The following NHSL2 variants were observed in gnomAD, a reference collection of about 807,000 sequenced individuals.
The protein encoded by NHSL2 is NHS like 2.
Under a neutral mutation model 53.4 loss-of-function variants are expected in NHSL2, and 27 were observed. The observed-to-expected ratio is 0.51, with a 90% CI of 0.37 to 0.70. The LOEUF is 0.70. Ranked by LOEUF, NHSL2 falls within the 30% of genes least tolerant of loss-of-function variation. NHSL2 has a pLI of 0.00. For missense variants in NHSL2, 892 were observed against 980.1 expected, an observed-to-expected ratio of 0.91 and a Z score of 1.20; for synonymous variants, 408 against 404.1, an observed-to-expected ratio of 1.01 and a Z score of -0.12.
At chrX:72,114,196 C>T (rs905015283) in intron 1 of NHSL2, among the ~76,000 whole-genome samples, 4 of 112,154 alleles carry the variant, frequency 3.6e-5, no homozygotes, top group African/African-American at 1.3e-4. Flanking sequence ...TTTGTTTGTA[C>T]GTTCTGATTT....
intron 1 of NHSL2, among the ~76,000 whole-genome samples, chrX:72,102,253 T>C (rs1388470422): frequency 1.8e-5 from 2 of 112,211 alleles, no homozygotes; most frequent in African/African-American, 6.5e-5. Flanking sequence ...CACCTGCTGA[T>C]CTCTCCCACT....
chrX:72,126,373 C>T (rs1183165246), intron 1 of NHSL2, among the ~76,000 whole-genome samples: 2 of 111,269 alleles, frequency 1.8e-5, no homozygotes, highest in African/African-American at 3.3e-5. Flanking sequence ...GTGACAGAGC[C>T]ACTCACTAGC....
chrX:72,125,639 T>G (rs2042218063), intron 1 of NHSL2, among the ~76,000 whole-genome samples: 1 of 112,081 alleles, frequency 8.9e-6, no homozygotes, highest in East Asian at 2.8e-4. Flanking sequence ...CCACCTTCTC[T>G]GGCCATAACA....
chrX:71,997,004 C>A (rs1304522032), intron 1 of NHSL2, among the ~76,000 whole-genome samples: 1 of 112,637 alleles, frequency 8.9e-6, no homozygotes, highest in Non-Finnish European at 1.9e-5. Flanking sequence ...CGAGTTACTC[C>A]ATGTGATAAA....
At chrX:71,915,499 A>G (rs1172244448) in intron 1 of NHSL2, among the ~76,000 whole-genome samples, 8 of 112,281 alleles carry the variant, frequency 7.1e-5, no homozygotes, top group Admixed American at 4.7e-4. Context: ...GTGCCTCCCC[A>G]TATGTAATTC....
intron 1 of NHSL2, among the ~76,000 whole-genome samples, chrX:72,086,678 C>A (rs1602357127): frequency 8.7e-5 from 5 of 57,497 alleles, no homozygotes; most frequent in South Asian, 1.8e-3. Context: ...AGTGAAACTC[C>A]ATCTCAAAAA....
intron 1 of NHSL2, among the ~76,000 whole-genome samples, chrX:71,920,814 GT>G (rs5902696): frequency 2.8e-5 from 3 of 108,933 alleles, no homozygotes; most frequent in East Asian, 2.9e-4. Flanking sequence ...TTTTGTTTTT[GT>G]TTTTTTTGAG....
rs1215144212 is a variant in NHSL2, at chrX:72,143,383, G to A, written c.3487G>A (p.Gly1163Ser). Residue 1163 changes from glycine (G) to serine (S), a missense_variant, in exon 8 of 8, where the codon GGC (glycine) becomes AGC (serine). By Grantham distance (56) the Gly-to-Ser change is moderately conservative. Coordinates refer to ENST00000633930, the MANE Select transcript of NHSL2 (RefSeq NM_001013627.3). ...ISESTATAGS[G>S]SSANLDAGRN... ...TGAGTCTACCGCCACTGCAGGGTCA[G>A]GCAGCAGTGCCAACCTAGATGCTGG... 8.6e-7 allele frequency: 1 copy of A among 1,164,988 alleles called. No individual in the cohort carries two copies. The highest frequency in any genetic ancestry group is 1.8e-5 in the African/African-American group (1 of 55,557).
At chrX:71,922,939 C>A (rs1201350899) in intron 1 of NHSL2, among the ~76,000 whole-genome samples, 1 of 111,957 alleles carries the variant, frequency 8.9e-6, no homozygotes, top group Non-Finnish European at 1.9e-5. Flanking sequence ...CCAATGAAAT[C>A]TTTTTTCCCA....
In NHSL2 at chrX:72,153,161, TTTCTTG is replaced by T. The variant is rs767707819; in HGVS notation, c.*9589_*9594del. The T allele has an allele frequency of 2.5e-5, 1 of 39,629 alleles. No homozygotes were observed. Among genetic ancestry groups the T allele is most frequent in the African/African-American group, 7.8e-5 (1 of 12,897 alleles). 3.3% of individuals were successfully genotyped at this position (39,629 alleles called of 1,213,427 possible). On this transcript the variant is annotated 3_prime_UTR_variant, in exon 8 of 8. Coordinates refer to ENST00000633930, the MANE Select transcript of NHSL2 (RefSeq NM_001013627.3). The stretch of plus-strand genomic sequence containing the variant: ...CTGTGGGGTGATATTACAAAGGGTT[TTTCTTG>T]TCTTTCTTTAAAAAAAAAAAGGCAT...
chrX:72,016,989 G>C (rs988314210), intron 1 of NHSL2, among the ~76,000 whole-genome samples: 10 of 111,852 alleles, frequency 8.9e-5, no homozygotes, highest in Non-Finnish European at 1.9e-4. Context: ...AGCCCAGGGT[G>C]ACAGCAAGTT....
chrX:72,061,447 T>A (rs1180217737), intron 1 of NHSL2, among the ~76,000 whole-genome samples: 1 of 111,877 alleles, frequency 8.9e-6, no homozygotes. Context: ...TTCATGGGTA[T>A]GATGGTGAAA....
At chrX:72,130,122 G>A (rs1225198401) in intron 1 of NHSL2, 2 of 1,211,001 alleles carry the variant, frequency 1.7e-6, no homozygotes, top group South Asian at 1.8e-5. Context: ...CGTGAACAAA[G>A]GTCGGCTCCA....
intron 1 of NHSL2, among the ~76,000 whole-genome samples, chrX:71,919,251 T>C (rs1420940286): frequency 8.9e-6 from 1 of 112,280 alleles, no homozygotes; most frequent in African/African-American, 3.2e-5. Flanking sequence ...GAAGTCCCAC[T>C]TGCCCAGCAC....
At chrX:72,005,428 A>G (rs775496146) in intron 1 of NHSL2, among the ~76,000 whole-genome samples, 126 of 112,246 alleles carry the variant, frequency 1.1e-3, no homozygotes, top group Non-Finnish European at 1.3e-3. Context: ...GGGTGAGTCA[A>G]TTCTTTGCAG....
intron 1 of NHSL2, among the ~76,000 whole-genome samples, chrX:72,057,153 C>G (rs920532397): frequency 8.9e-6 from 1 of 112,376 alleles, no homozygotes; most frequent in African/African-American, 3.2e-5. Context: ...TGAAAAGGTA[C>G]TTTATTTTCT....
rs775502819 is a variant in NHSL2, at chrX:72,018,346, C to T, written c.280+106979C>T. Among the ~76,000 whole-genome samples, 8 of 112,235 alleles carry T rather than the reference C, an allele frequency of 7.1e-5. No individual in the cohort carries two copies. In the East Asian group the frequency reaches 2.3e-3, roughly 32 times the overall value. ...GACCCCGGCCCTCGCCTCACCGTTC[C>T]CCCGCCCAGTTTCCCTCTTGTTAAG... On this transcript the variant is annotated intron_variant, in intron 1 of 7. Coordinates refer to ENST00000633930, the MANE Select transcript of NHSL2 (RefSeq NM_001013627.3).
intron 1 of NHSL2, among the ~76,000 whole-genome samples, chrX:71,917,830 C>T (rs2041636240): frequency 9.0e-6 from 1 of 110,910 alleles, no homozygotes; most frequent in African/African-American, 3.3e-5. Context: ...GAATTCACTG[C>T]CAGTGATTCA....
At position 71,977,945 on chromosome X, in the gene NHSL2, C is replaced by G. The variant is rs191479712; in HGVS notation, c.280+66578C>G. On this transcript the variant is annotated intron_variant, in intron 1 of 7. Transcript: ENST00000633930. ...GCCCACTAGTATAAGTGCACAGACTCTGGAGAGGGGTGGCCTGGGTTCAGA... is the reference window on the plus strand; with the variant it reads ...GCCCACTAGTATAAGTGCACAGACTGTGGAGAGGGGTGGCCTGGGTTCAGA... Among the ~76,000 whole-genome samples the G allele has an allele frequency of 3.3e-3, 371 of 111,194 alleles. 3 individuals carry two copies. Among genetic ancestry groups the G allele is most frequent in the Non-Finnish European group, 2.9e-3 (155 of 53,000 alleles).
Sources: allele counts gnomAD v4.1 joint callset (sites outside exome capture counted in the v4.1 genomes callset), GRCh38; gene constraint gnomAD v4.1.1; transcripts MANE v1.5; gene names NCBI Gene and HGNC (gene_info 2026-07-23, HGNC 2026-07-21).